GCKR: variants seen among roughly 807,000 people sequenced by gnomAD.
GCKR encodes glucokinase regulator.
Under a neutral mutation model 82.9 loss-of-function variants are expected in GCKR, and 73 were observed. That is an observed-to-expected ratio of 0.88 (90% CI 0.73 to 1.07). The LOEUF (loss-of-function observed/expected upper bound fraction) is 1.07. GCKR is among the 50% of genes least tolerant of loss of function. GCKR has a pLI of 0.00. For synonymous variants in GCKR, 294 were observed against 291.8 expected, an observed-to-expected ratio of 1.01 and a Z score of -0.08; for missense variants, 784 against 782.1, an observed-to-expected ratio of 1.00 and a Z score of -0.03.
intron 16 of GCKR, 24 bp from the exon 17 acceptor site, chr2:27,518,764 C>A (rs375824273): frequency 1.2e-6 from 2 of 1,604,350 alleles, no homozygotes; most frequent in Non-Finnish European, 1.7e-6. Flanking sequence ...ATTTTTGACA[C>A]CCCCATGTGT....
At position 27,518,957 on chromosome 2, in the gene GCKR, G is replaced by GTT; in HGVS notation, c.1572+20_1572+21insTT. On this transcript the variant is annotated intron_variant, in intron 17 of 18. Coordinates refer to ENST00000264717, the MANE Select transcript of GCKR (RefSeq NM_001486.4). ...CTGCAGGTAGGGATATGATGGGGCAGGGTTGGGTGGGACCTGGCCTCAATG... is the reference window on the plus strand; with the variant it reads ...CTGCAGGTAGGGATATGATGGGGCAGTTGGTTGGGTGGGACCTGGCCTCAATG... 6.4e-7 allele frequency: 1 copy of GTT among 1,556,912 alleles called. No homozygotes were observed. Among genetic ancestry groups the GTT allele is most frequent in the Non-Finnish European group, 8.8e-7 (1 of 1,130,878 alleles).
intron 17 of GCKR, among the ~76,000 whole-genome samples, chr2:27,521,311 T>C (rs1670147293): frequency 6.6e-6 from 1 of 151,564 alleles, no homozygotes; most frequent in Non-Finnish European, 1.5e-5. Flanking sequence ...GATCACAAGG[T>C]CAGGAGAAAT....
intron 7 of GCKR, among the ~76,000 whole-genome samples, chr2:27,500,190 A>G (rs1277409699): frequency 6.6e-6 from 1 of 152,142 alleles, no homozygotes; most frequent in African/African-American, 2.4e-5. Context: ...TCCCAGGTTC[A>G]AGCGATTCTC....
chr2:27,500,078 T>C (rs916254516), intron 7 of GCKR, among the ~76,000 whole-genome samples: 1 of 150,796 alleles, frequency 6.6e-6, no homozygotes, highest in Non-Finnish European at 1.5e-5. Flanking sequence ...TAAAGGTTAG[T>C]TTTTGTTTTT....
At chr2:27,505,970 A>T in intron 10 of GCKR, 134 bp downstream of exon 10, 1 of 744,034 alleles carries the variant, frequency 1.3e-6, no homozygotes, top group Non-Finnish European at 2.5e-6. Flanking sequence ...TCCCCTGGGA[A>T]GGGAGCTGGG....
At chr2:27,509,482 G>T in intron 16 of GCKR, 1 of 425,852 alleles carries the variant, frequency 2.3e-6, no homozygotes, top group Non-Finnish European at 4.8e-6. Flanking sequence ...TAGGACCACA[G>T]GCACTCACCA....
intron 13 of GCKR, 129 bp from the exon 14 acceptor site, chr2:27,507,552 C>T: frequency 1.4e-6 from 1 of 718,180 alleles, no homozygotes; most frequent in Non-Finnish European, 2.5e-6. Flanking sequence ...AAACACTGTA[C>T]CTTTTGAACT....
chr2:27,522,436 C>A, intron 17 of GCKR, 24 bp from the exon 18 acceptor site: 1 of 1,613,534 alleles, frequency 6.2e-7, no homozygotes, highest in Non-Finnish European at 8.5e-7. Flanking sequence ...TAGCCTGACA[C>A]TGATCTTACC....
chr2:27,497,661 A>T (rs1362452106), intron 3 of GCKR, 31 bp downstream of exon 3: 5 of 1,366,900 alleles, frequency 3.7e-6, no homozygotes, highest in Non-Finnish European at 5.2e-6. Flanking sequence ...CCCTGCCTAA[A>T]CTTTTCTGTT....
At chr2:27,508,543 CAG>C (rs1208828963) in intron 16 of GCKR, among the ~76,000 whole-genome samples, 1 of 152,138 alleles carries the variant, frequency 6.6e-6, no homozygotes, top group Non-Finnish European at 1.5e-5. Context: ...TACTTTGAGA[CAG>C]AGTCTCACTC....
In GCKR at chr2:27,507,305, C is replaced by T. The variant is rs1275256863; in HGVS notation, c.1137C>T (p.Thr379=). The T allele has an allele frequency of 1.1e-5, 17 of 1,603,212 alleles. No individual in the cohort carries two copies. The highest frequency in any genetic ancestry group is 1.4e-5 in the Non-Finnish European group (16 of 1,170,312). Residue 379 remains threonine (T), a synonymous_variant, in exon 13 of 19, where the codon ACC becomes ACT. Transcript: ENST00000264717. ...TGTTTAACCAGAAGGCTGAGCTCAC[C>T]AACCAGGTCGGAGAAGAACAGGACT... The part of the protein sequence containing the change: ...SDMFNQKAEL[T]NQGPQFTFSQ...
intron 9 of GCKR, among the ~76,000 whole-genome samples, chr2:27,504,200 C>T (rs1362999238): frequency 1.3e-5 from 2 of 152,184 alleles, no homozygotes; most frequent in African/African-American, 2.4e-5. Flanking sequence ...ACACCATCTG[C>T]GACATTCTCC....
chr2:27,512,627 A>C (rs1246772431), intron 16 of GCKR, among the ~76,000 whole-genome samples: 1 of 152,182 alleles, frequency 6.6e-6, no homozygotes, highest in Non-Finnish European at 1.5e-5. Flanking sequence ...GCATTCACCT[A>C]CATAATTACA....
chr2:27,503,648 C>T (rs1372436612), intron 9 of GCKR, 29 bp downstream of exon 9: 5 of 1,169,422 alleles, frequency 4.3e-6, no homozygotes, highest in Non-Finnish European at 6.5e-6. Flanking sequence ...CTATGTTCTC[C>T]ACCCCTCCAA....
rs1353239165 is a variant in GCKR at position 27,503,545 on chromosome 2, T to C, written c.676T>C (p.Phe226Leu). 1.2e-6 allele frequency: 2 copies of C among 1,608,604 alleles called. No homozygotes were observed. The highest frequency in any genetic ancestry group is 4.5e-5 in the East Asian group (2 of 44,866). The change falls in exon 9 of 19, where the codon TTC (phenylalanine) becomes CTC (leucine). Residue 226 changes from phenylalanine (F) to leucine (L), a missense_variant. Phe to Leu is a conservative substitution (Grantham distance 22, BLOSUM62 0). Coordinates refer to ENST00000264717, the MANE Select transcript of GCKR (RefSeq NM_001486.4). ...CCCCATTGAAGACTGGAGTTCAACA[T>C]TCCGACAAGTAGCAGAGCGGATGCA... ...NDPIEDWSSTFRQVAERMQKM... is the reference protein window; with the variant it reads ...NDPIEDWSSTLRQVAERMQKM...
rs1370747618 is a variant in GCKR at position 27,499,168 on chromosome 2, C to T, written c.455C>T (p.Thr152Ile). The T allele has an allele frequency of 1.2e-6, 2 of 1,611,356 alleles. No individual in the cohort carries two copies. Among genetic ancestry groups the T allele is most frequent in the Middle Eastern group, 1.7e-4 (1 of 5,942 alleles). The change falls in exon 6 of 19, where the codon ACA (threonine) becomes ATA (isoleucine). Residue 152 changes from threonine (T) to isoleucine (I), a missense_variant. By Grantham distance (89) the Thr-to-Ile change is moderately conservative. Coordinates refer to ENST00000264717, the MANE Select transcript of GCKR (RefSeq NM_001486.4). Reference sequence around the variant, plus strand: ...TCTGTGGTGGCCTCTAGGGAGGGGACAGAAGATAGTGCCTTGCACGGGATT... The same window carrying T: ...TCTGTGGTGGCCTCTAGGGAGGGGATAGAAGATAGTGCCTTGCACGGGATT... ...DRSVVASREG[T>I]EDSALHGIEE...
chr2:27,500,570 T>C (rs2148580179), intron 7 of GCKR, among the ~76,000 whole-genome samples: 1 of 152,356 alleles, frequency 6.6e-6, no homozygotes, highest in East Asian at 1.9e-4. Context: ...ATTTAGTATC[T>C]GGCCTTTTAC....
intron 10 of GCKR, among the ~76,000 whole-genome samples, chr2:27,506,230 T>G (rs1277562093): frequency 6.6e-6 from 1 of 152,138 alleles, no homozygotes; most frequent in African/African-American, 2.4e-5. Flanking sequence ...TCCCAGTGGC[T>G]CTCAGATCCT....
In GCKR at chr2:27,506,463, T is replaced by C. The variant is rs749217807; in HGVS notation, c.870-18T>C. On this transcript the variant is annotated intron_variant, in intron 10 of 18. Transcript: ENST00000264717. ...GGGGAATTGGGCCCTTCTTGAGAGCTGGTGGCTTTTCTCCCAGATGCCTCC... is the reference window on the plus strand; with the variant it reads ...GGGGAATTGGGCCCTTCTTGAGAGCCGGTGGCTTTTCTCCCAGATGCCTCC... 1.3e-6 allele frequency: 2 copies of C among 1,567,188 alleles called. No individual in the cohort carries two copies. Among genetic ancestry groups the C allele is most frequent in the South Asian group, 1.1e-5 (1 of 90,142 alleles).
Sources: gnomAD v4.1 joint callset for allele counts (sites outside exome capture counted in the v4.1 genomes callset) on GRCh38, gnomAD v4.1.1 for gene constraint, MANE v1.5 for transcripts, NCBI Gene and HGNC (gene_info 2026-07-23, HGNC 2026-07-21) for gene names.